Variants in MOB3B observed in about 807,000 individuals in gnomAD.
MOB3B encodes the protein MOB kinase activator-like 2B.
Under a neutral mutation model 18.7 loss-of-function variants are expected in MOB3B, and 7 were observed. That is an observed-to-expected ratio of 0.37 (90% CI 0.21 to 0.70). The LOEUF (loss-of-function observed/expected upper bound fraction) is 0.70. Ranked by LOEUF, MOB3B falls within the 30% of genes least tolerant of loss-of-function variation. MOB3B has a pLI of 0.52. For synonymous variants in MOB3B, 111 were observed against 99.9 expected (o/e 1.11, Z -0.66); for missense variants, 253 against 281.3 (o/e 0.90, Z 0.72).
chr9:27,342,909 G>A (rs563767672), intron 3 of MOB3B, among the ~76,000 whole-genome samples: 44 of 149,726 alleles, frequency 2.9e-4, no homozygotes, highest in Non-Finnish European at 4.0e-4. Context: ...AGTGAGGAGC[G>A]TCTCTGCCTG....
chr9:27,481,457 T>TG (rs1297604587), intron 1 of MOB3B, among the ~76,000 whole-genome samples: 1 of 146,316 alleles, frequency 6.8e-6, no homozygotes, highest in East Asian at 2.1e-4. Flanking sequence ...TGGTGGCGCC[T>TG]GGGGTAAACT....
intron 1 of MOB3B, among the ~76,000 whole-genome samples, chr9:27,508,742 C>T (rs1196288363): frequency 6.6e-6 from 1 of 152,114 alleles, no homozygotes; most frequent in Admixed American, 6.5e-5. Context: ...TGTCCCCAGA[C>T]AGCGATTTGT....
chr9:27,397,327 A>T (rs2131388324), intron 2 of MOB3B: 1 of 152,340 alleles, frequency 6.6e-6, no homozygotes, highest in Middle Eastern at 3.4e-3. Context: ...AAGATCATCA[A>T]GATTGCTATA....
intron 1 of MOB3B, among the ~76,000 whole-genome samples, chr9:27,498,800 TTA>T (rs1308562153): frequency 6.6e-6 from 1 of 152,228 alleles, no homozygotes; most frequent in Admixed American, 6.5e-5. Flanking sequence ...TTGCTGGATC[TTA>T]TGATTCTTTA....
chr9:27,358,746 A>G (rs1821228884), intron 3 of MOB3B: 10 of 602,536 alleles, frequency 1.7e-5, no homozygotes, highest in South Asian at 1.3e-4. Flanking sequence ...AATAAGTGGA[A>G]GAATGACTTT....
At position 27,407,383 on chromosome 9, in the gene MOB3B, A is replaced by T. The variant is rs141211343; in HGVS notation, c.418+47750T>A. On this transcript the variant is annotated intron_variant, in intron 2 of 3. Coordinates refer to ENST00000262244, the MANE Select transcript of MOB3B (RefSeq NM_024761.5). ...TTATAATTATGGGTTTTATTTAGTT[A>T]TAAAGAGGGTTTGAGTCTTCCATCA... Among the ~76,000 whole-genome samples the T allele has an allele frequency of 4.2e-4, 64 of 152,292 alleles. 3 individuals are homozygous for T. The East Asian group carries it at 0.012, about 29-fold the overall frequency.
At position 27,353,757 on chromosome 9, in the gene MOB3B, T is replaced by C. The variant is rs760866670; in HGVS notation, c.621+5277A>G. ...CTACTGCATTGCTAACAGCCCTCTC[T>C]GAGTCTGCTTTTGTTTTCAGTGAAA... On this transcript the variant is annotated intron_variant, in intron 3 of 3. Coordinates refer to ENST00000262244, the MANE Select transcript of MOB3B (RefSeq NM_024761.5). Among the ~76,000 whole-genome samples the C allele has an allele frequency of 1.1e-4, 16 of 152,214 alleles. 1 individual carries two copies. The highest frequency in any genetic ancestry group is 1.9e-4 in the Non-Finnish European group (13 of 68,040).
Position 27,382,247 on chromosome 9 carries a change from T to C in MOB3B, c.419-23011A>G, listed in dbSNP as rs550874224. Among the ~76,000 whole-genome samples, 35 of 152,264 alleles carry C rather than the reference T, an allele frequency of 2.3e-4. No homozygotes were observed. In the East Asian group the frequency reaches 2.5e-3, roughly 11 times the overall value. On this transcript the variant is annotated intron_variant, in intron 2 of 3. Transcript: ENST00000262244. ...GACAGCTTTAATATGTGATGAGTAC[T>C]GAAAAAAGCAAAAAAGTTAAGGGGC...
intron 2 of MOB3B, among the ~76,000 whole-genome samples, chr9:27,412,886 G>A (rs1822092114): frequency 6.6e-6 from 1 of 152,190 alleles, no homozygotes; most frequent in Non-Finnish European, 1.5e-5. Context: ...TCCCATGGCA[G>A]CTCTACCTGT....
At chr9:27,368,014 T>A (rs542773781) in intron 2 of MOB3B, among the ~76,000 whole-genome samples, 1 of 152,126 alleles carries the variant, frequency 6.6e-6, no homozygotes. Context: ...ATAAGAGGGA[T>A]GTGAAAATCC....
intron 1 of MOB3B, among the ~76,000 whole-genome samples, chr9:27,476,589 G>A (rs1158280966): frequency 6.6e-6 from 1 of 152,160 alleles, no homozygotes; most frequent in Non-Finnish European, 1.5e-5. Flanking sequence ...CATGTTAAAA[G>A]GTATTGCAGG....
chr9:27,345,349 C>T (rs1362992680), intron 3 of MOB3B, among the ~76,000 whole-genome samples: 1 of 152,076 alleles, frequency 6.6e-6, no homozygotes, highest in Non-Finnish European at 1.5e-5. Context: ...CCTAAGCAAA[C>T]TGTACTCCCA....
intron 1 of MOB3B, chr9:27,524,442 C>A (rs1246718703): frequency 6.2e-7 from 1 of 1,614,072 alleles, no homozygotes; most frequent in Admixed American, 1.7e-5. Context: ...ACTGAACGTT[C>A]ACCTGAGAAG....
chr9:27,418,813 A>G (rs999574444), intron 2 of MOB3B, among the ~76,000 whole-genome samples: 1 of 152,170 alleles, frequency 6.6e-6, no homozygotes, highest in Non-Finnish European at 1.5e-5. Flanking sequence ...TCTTCAGACA[A>G]GAGAAAGAAA....
At chr9:27,416,225 G>T (rs567331252) in intron 2 of MOB3B, among the ~76,000 whole-genome samples, 1 of 151,890 alleles carries the variant, frequency 6.6e-6, no homozygotes, top group Non-Finnish European at 1.5e-5. Context: ...TCATGATCTC[G>T]TAGGACCTCA....
At chr9:27,412,104 A>G (rs1822076460) in intron 2 of MOB3B, among the ~76,000 whole-genome samples, 1 of 152,180 alleles carries the variant, frequency 6.6e-6, no homozygotes, top group East Asian at 1.9e-4. Context: ...TAATGTGTGG[A>G]AGGAGAATAT....
At chr9:27,345,055 G>A (rs1189758176) in intron 3 of MOB3B, among the ~76,000 whole-genome samples, 2 of 152,234 alleles carry the variant, frequency 1.3e-5, no homozygotes, top group Non-Finnish European at 2.9e-5. Context: ...CTGTAGGCCA[G>A]CAATGGTGAT....
At chr9:27,404,700 C>A (rs1279915353) in intron 2 of MOB3B, among the ~76,000 whole-genome samples, 1 of 152,112 alleles carries the variant, frequency 6.6e-6, no homozygotes, top group African/African-American at 2.4e-5. Flanking sequence ...AGGTTGACTC[C>A]ATATCTTGGC....
chr9:27,528,599 G>C (rs968559221), intron 1 of MOB3B, among the ~76,000 whole-genome samples: 2 of 152,250 alleles, frequency 1.3e-5, no homozygotes, highest in Non-Finnish European at 2.9e-5. Context: ...CGGAGCTGGC[G>C]TGGGGGCCGG....
Sources: allele counts gnomAD v4.1 joint callset (sites outside exome capture counted in the v4.1 genomes callset), GRCh38; gene constraint gnomAD v4.1.1; transcripts MANE v1.5; gene names NCBI Gene and HGNC (gene_info 2026-07-23, HGNC 2026-07-21).